The following CSMD1 variants were observed in gnomAD, a reference collection of about 807,000 sequenced individuals.
CSMD1 encodes the protein CUB and Sushi multiple domains 1.
Under a neutral mutation model 417.5 loss-of-function variants are expected in CSMD1, and 213 were observed. That is an observed-to-expected ratio of 0.51 (90% CI 0.46 to 0.57). CSMD1 has a LOEUF of 0.57. Among genes scored for constraint, CSMD1 ranks in the 20% least tolerant of loss-of-function variants. CSMD1 has a pLI of 0.00. For missense variants in CSMD1, 6,923 were observed against 4,529.7 expected (o/e 1.53, Z -15.17); for synonymous variants, 2,862 against 1,736.8 (o/e 1.65, Z -16.11).
rs541444312 is a variant in CSMD1 at position 3,408,625 on chromosome 8, A to G, written c.1745-400T>C. On this transcript the variant is annotated intron_variant, in intron 13 of 69. Coordinates refer to ENST00000635120, the MANE Select transcript of CSMD1 (RefSeq NM_033225.6). ...CTGCTCTTTCATAACTTTTAAATTT[A>G]TATTTTATACTTTCCTGTGAGTGCA... 7.6e-4 allele frequency among the ~76,000 whole-genome samples: 116 copies of G among 152,246 alleles called. 2 individuals are homozygous for G. Among genetic ancestry groups the G allele is most frequent in the Non-Finnish European group, 7.5e-4 (51 of 68,010 alleles).
chr8:3,091,698 G>C (rs557088965), intron 47 of CSMD1, 36 bp from the exon 48 acceptor site: 32 of 1,586,480 alleles, frequency 2.0e-5, no homozygotes, highest in Middle Eastern at 3.3e-4. Flanking sequence ...ATTCAGAGAT[G>C]AGTGAGCACC....
At chr8:3,332,663 G>C (rs1209591358) in intron 23 of CSMD1, among the ~76,000 whole-genome samples, 1 of 152,136 alleles carries the variant, frequency 6.6e-6, no homozygotes, top group Non-Finnish European at 1.5e-5. Context: ...TCAAGTGTGT[G>C]TGGGAGTGCG....
intron 23 of CSMD1, among the ~76,000 whole-genome samples, chr8:3,311,408 C>A (rs1362621083): frequency 1.3e-5 from 2 of 152,088 alleles, no homozygotes; most frequent in East Asian, 3.9e-4. Flanking sequence ...AGCCATCACA[C>A]CCAGCTAATT....
At chr8:4,100,853 G>C (rs1801268105) in intron 3 of CSMD1, among the ~76,000 whole-genome samples, 1 of 152,128 alleles carries the variant, frequency 6.6e-6, no homozygotes, top group South Asian at 2.1e-4. Flanking sequence ...GAGCCTCAGA[G>C]ACTTAAAAAT....
intron 1 of CSMD1, among the ~76,000 whole-genome samples, chr8:4,832,818 T>C (rs1402491805): frequency 6.6e-6 from 1 of 152,088 alleles, no homozygotes; most frequent in Non-Finnish European, 1.5e-5. Context: ...TCAGGGTCAG[T>C]CATCTCATAC....
At chr8:4,514,118 A>C (rs535568740) in intron 2 of CSMD1, among the ~76,000 whole-genome samples, 1 of 152,288 alleles carries the variant, frequency 6.6e-6, no homozygotes, top group South Asian at 2.1e-4. Flanking sequence ...CTGAAGTTCT[A>C]GATCAAGATT....
chr8:3,007,497 A>G (rs1305295480), intron 52 of CSMD1, among the ~76,000 whole-genome samples: 2 of 151,518 alleles, frequency 1.3e-5, no homozygotes, highest in South Asian at 2.1e-4. Flanking sequence ...CATTATTCAC[A>G]ATAGCAAAGA....
chr8:4,966,114 C>T (rs772713464), intron 1 of CSMD1, among the ~76,000 whole-genome samples: 19 of 150,552 alleles, frequency 1.3e-4, no homozygotes, highest in Non-Finnish European at 1.6e-4. Flanking sequence ...CTGTAATCCC[C>T]GCACTTTGGG....
chr8:4,948,936 T>C (rs1265263566), intron 1 of CSMD1, among the ~76,000 whole-genome samples: 1 of 152,182 alleles, frequency 6.6e-6, no homozygotes, highest in Non-Finnish European at 1.5e-5. Context: ...TTGGTAGATA[T>C]AATTTTAGAT....
chr8:3,773,117 C>A (rs1798707282), intron 5 of CSMD1, among the ~76,000 whole-genome samples: 2 of 152,132 alleles, frequency 1.3e-5, no homozygotes, highest in African/African-American at 4.8e-5. Flanking sequence ...GTCCTCACAA[C>A]CTCATCTCTT....
chr8:4,076,121 G>T (rs532301045), intron 3 of CSMD1, among the ~76,000 whole-genome samples: 1 of 152,218 alleles, frequency 6.6e-6, no homozygotes, highest in Admixed American at 6.5e-5. Flanking sequence ...GTCATGGGAG[G>T]GACCCTGTAG....
chr8:3,867,840 T>C (rs560576773), intron 5 of CSMD1, among the ~76,000 whole-genome samples: 1 of 152,056 alleles, frequency 6.6e-6, no homozygotes, highest in Non-Finnish European at 1.5e-5. Flanking sequence ...GGCCTCCATT[T>C]CCAGGATTGA....
intron 3 of CSMD1, among the ~76,000 whole-genome samples, chr8:4,105,081 G>C (rs187152825): frequency 3.3e-5 from 5 of 152,116 alleles, no homozygotes; most frequent in African/African-American, 7.2e-5. Context: ...TTAAAGTAAA[G>C]ACAGCAAGGG....
intron 2 of CSMD1, among the ~76,000 whole-genome samples, chr8:4,480,459 C>G (rs1257014656): frequency 6.6e-6 from 1 of 152,184 alleles, no homozygotes; most frequent in Non-Finnish European, 1.5e-5. Flanking sequence ...CTTCTACTCT[C>G]ATAAAAAAGC....
intron 1 of CSMD1, among the ~76,000 whole-genome samples, chr8:4,893,009 G>C (rs1217929458): frequency 1.3e-5 from 2 of 152,138 alleles, no homozygotes; most frequent in Non-Finnish European, 2.9e-5. Flanking sequence ...TACTGCATCT[G>C]TGTTTGTAAT....
chr8:3,142,146 T>C (rs1456566753), intron 41 of CSMD1, among the ~76,000 whole-genome samples: 3 of 152,162 alleles, frequency 2.0e-5, no homozygotes, highest in African/African-American at 4.8e-5. Flanking sequence ...GGAGACTGAA[T>C]TGAGTCACAA....
chr8:3,917,302 G>A (rs574676777), intron 5 of CSMD1, among the ~76,000 whole-genome samples: 7 of 152,180 alleles, frequency 4.6e-5, no homozygotes, highest in Admixed American at 3.9e-4. Context: ...GTGATGCGTT[G>A]GGAGTAGCAG....
intron 5 of CSMD1, among the ~76,000 whole-genome samples, chr8:3,951,923 GA>G (rs11363252): frequency 0.029 from 4,336 of 148,466 alleles, 216 homozygotes; most frequent in African/African-American, 0.1. Context: ...CAGTTTCCCA[GA>G]AAAAAAAATA....
At chr8:3,592,800 G>A (rs747243364) in intron 8 of CSMD1, among the ~76,000 whole-genome samples, 6 of 152,108 alleles carry the variant, frequency 3.9e-5, no homozygotes, top group East Asian at 1.9e-4. Context: ...AAAAGTTACA[G>A]ACTTCCAAAT....
Sources: allele counts gnomAD v4.1 joint callset (sites outside exome capture counted in the v4.1 genomes callset), GRCh38; gene constraint gnomAD v4.1.1; transcripts MANE v1.5; gene names NCBI Gene and HGNC (gene_info 2026-07-23, HGNC 2026-07-21).